Variants in ACSL3 observed in about 807,000 individuals in gnomAD.
ACSL3 encodes fatty acid CoA ligase Acsl3.
A neutral mutation model predicts 84.7 loss-of-function variants in ACSL3; 34 were observed. The ratio of observed to expected loss-of-function variants is 0.40; its 90% confidence interval spans 0.31 to 0.53. The LOEUF (loss-of-function observed/expected upper bound fraction) is 0.53. Ranked by LOEUF, ACSL3 falls within the 20% of genes least tolerant of loss-of-function variation. The pLI, the probability that ACSL3 is intolerant of heterozygous loss-of-function variation, is 0.48. For synonymous variants in ACSL3, 315 were observed against 299.4 expected (o/e 1.05, Z -0.54); for missense variants, 680 against 873.1 (o/e 0.78, Z 2.79).
At chr2:222,918,420 A>G (rs1371549003) in intron 6 of ACSL3, among the ~76,000 whole-genome samples, 1 of 151,946 alleles carries the variant, frequency 6.6e-6, no homozygotes, top group Non-Finnish European at 1.5e-5. Context: ...TATTGTGCTC[A>G]TCTATTTTCT....
Position 222,924,693 on chromosome 2 carries a change from A to G in ACSL3, c.1292+98A>G, listed in dbSNP as rs950789960. Reference sequence around the variant, plus strand: ...ATTAATTGAGATAGTTATAAGAAAGAAATATATTTCATAAAGTCAAGAGAA... The same window carrying G: ...ATTAATTGAGATAGTTATAAGAAAGGAATATATTTCATAAAGTCAAGAGAA... On this transcript the variant is annotated intron_variant, in intron 11 of 16. Coordinates refer to ENST00000357430, the MANE Select transcript of ACSL3 (RefSeq NM_004457.5). 6.2e-6 allele frequency: 8 copies of G among 1,292,794 alleles called. No homozygotes were observed. In the African/African-American group the frequency reaches 1.1e-4, roughly 18 times the overall value. 80.1% of individuals were successfully genotyped at this position (1,292,794 alleles called of 1,614,324 possible). A position where few individuals can be genotyped will look rare whatever the true frequency, so the allele number is the denominator to read the frequency against.
At chr2:222,903,851 A>G (rs1395089979) in intron 3 of ACSL3, among the ~76,000 whole-genome samples, 1 of 152,230 alleles carries the variant, frequency 6.6e-6, no homozygotes, top group Non-Finnish European at 1.5e-5. Context: ...TTCAGTGAGC[A>G]GGTCAATATG....
intron 13 of ACSL3, 103 bp from the exon 14 acceptor site, chr2:222,930,518 G>T (rs1444481717): frequency 1.9e-6 from 2 of 1,027,022 alleles, no homozygotes; most frequent in Non-Finnish European, 2.7e-6. Flanking sequence ...CCTTTGGGAA[G>T]TTCTAATTGG....
rs771240831 is a variant in ACSL3, at chr2:222,918,071, A to G, written c.582A>G (p.Gly194=). 6 of 1,612,002 alleles carry G rather than the reference A, an allele frequency of 3.7e-6. No homozygotes were observed. Among genetic ancestry groups the G allele is most frequent in the Non-Finnish European group, 5.1e-6 (6 of 1,178,784 alleles). ...TTGTTACATTATATGCCACTCTAGG[A>G]GGTCCAGCCATTGTTCATGCATTAA... ...FQLVTLYATL[G]GPAIVHALNE... is the part of the protein sequence containing the mutation. The change falls in exon 6 of 17, where the codon GGA becomes GGG. Residue 194 remains glycine, a synonymous_variant. Coordinates refer to ENST00000357430, the MANE Select transcript of ACSL3 (RefSeq NM_004457.5).
chr2:222,936,286 A>G (rs1171278232), intron 16 of ACSL3, among the ~76,000 whole-genome samples: 1 of 152,150 alleles, frequency 6.6e-6, no homozygotes, highest in Non-Finnish European at 1.5e-5. Flanking sequence ...TGAGATTGTT[A>G]GATCCTATGG....
rs137963032 is a variant in ACSL3, at chr2:222,868,839, G to C, written c.-207+7581G>C. The stretch of plus-strand genomic sequence containing the variant: ...ATACAAATTAGCTGGGTGTGGTAGC[G>C]GGTGCCTGTAATCCCAGCTACTTGG... On this transcript the variant is annotated intron_variant, in intron 1 of 16. Coordinates refer to ENST00000357430, the MANE Select transcript of ACSL3 (RefSeq NM_004457.5). Among the ~76,000 whole-genome samples the C allele has an allele frequency of 3.5e-3, 526 of 151,998 alleles. 11 individuals carry two copies. The East Asian group carries it at 0.075, about 22-fold the overall frequency.
At chr2:222,924,667 A>C in intron 11 of ACSL3, 72 bp downstream of exon 11, 1 of 1,336,612 alleles carries the variant, frequency 7.5e-7, no homozygotes, top group Non-Finnish European at 1.0e-6. Context: ...TTAATAGCCC[A>C]ATTAATTGAG....
chr2:222,941,462 C>A (rs767884313), intron 16 of ACSL3, 35 bp from the exon 17 acceptor site: 5 of 1,519,062 alleles, frequency 3.3e-6, no homozygotes, highest in Admixed American at 2.1e-5. Context: ...AACTTAAATA[C>A]CTTTTCTTCT....
Position 222,930,524 on chromosome 2 carries a change from A to G in ACSL3, c.1541-97A>G, listed in dbSNP as rs1697001194. ...GCCTTTTTTCCTTTGGGAAGTTCTAATTGGATTAAAATAAGATGACTGTTT... is the reference window on the plus strand; with the variant it reads ...GCCTTTTTTCCTTTGGGAAGTTCTAGTTGGATTAAAATAAGATGACTGTTT... On this transcript the variant is annotated intron_variant, in intron 13 of 16. Coordinates refer to ENST00000357430, the MANE Select transcript of ACSL3 (RefSeq NM_004457.5). 4.6e-6 allele frequency: 5 copies of G among 1,082,872 alleles called. No homozygotes were observed. In the South Asian group the frequency reaches 1.1e-4, roughly 23 times the overall value. 67.1% of individuals were successfully genotyped at this position (1,082,872 alleles called of 1,614,324 possible). A position where few individuals can be genotyped will look rare whatever the true frequency, so the allele number is the denominator to read the frequency against.
rs531008047 is a variant in ACSL3, at chr2:222,899,637, C to T, written c.-147-1037C>T. Among the ~76,000 whole-genome samples, 26 of 152,050 alleles carry T rather than the reference C, an allele frequency of 1.7e-4. No individual in the cohort carries two copies. The South Asian group carries it at 5.0e-3, about 29-fold the overall frequency. ...CAAGTTTATTAAGAACATAAAGTGG[C>T]GCAAGAATAGCTACTCCATAGACAG... On this transcript the variant is annotated intron_variant, in intron 2 of 16. Transcript: ENST00000357430.
chr2:222,938,572 A>AT (rs1470018673), intron 16 of ACSL3, among the ~76,000 whole-genome samples: 1 of 152,030 alleles, frequency 6.6e-6, no homozygotes, highest in Admixed American at 6.6e-5. Flanking sequence ...TGCTTTCAAG[A>AT]TTTTTTGTGA....
chr2:222,861,822 G>A (rs1438991502), intron 1 of ACSL3: 2 of 152,314 alleles, frequency 1.3e-5, no homozygotes, highest in South Asian at 2.1e-4. Context: ...CTGTCGTTTG[G>A]GGTTTGAGAG....
At chr2:222,892,064 T>G (rs1324202213) in intron 2 of ACSL3, among the ~76,000 whole-genome samples, 1 of 152,224 alleles carries the variant, frequency 6.6e-6, no homozygotes, top group Non-Finnish European at 1.5e-5. Context: ...CTGTAGTCAT[T>G]GCGATGTCAT....
chr2:222,925,849 G>A (rs1201497513), intron 11 of ACSL3, among the ~76,000 whole-genome samples: 1 of 152,110 alleles, frequency 6.6e-6, no homozygotes, highest in Non-Finnish European at 1.5e-5. Flanking sequence ...GCTTGTATTT[G>A]TGTAGTGTTA....
intron 1 of ACSL3, among the ~76,000 whole-genome samples, chr2:222,887,238 T>G (rs1396993904): frequency 6.6e-6 from 1 of 152,244 alleles, no homozygotes; most frequent in Non-Finnish European, 1.5e-5. Flanking sequence ...TTCCTTCATG[T>G]CTTGTCATGG....
At chr2:222,916,131 A>G (rs546156845) in intron 4 of ACSL3, among the ~76,000 whole-genome samples, 188 bp from the exon 5 acceptor site, 69 of 152,318 alleles carry the variant, frequency 4.5e-4, no homozygotes, top group Non-Finnish European at 7.8e-4. Flanking sequence ...TTGTTATAGA[A>G]GATGTCACAA....
chr2:222,893,167 C>T (rs1398173127), intron 2 of ACSL3, among the ~76,000 whole-genome samples: 1 of 152,168 alleles, frequency 6.6e-6, no homozygotes, highest in African/African-American at 2.4e-5. Flanking sequence ...TATCAAGATG[C>T]ACCGTCTGCA....
In ACSL3 at chr2:222,941,501, T is replaced by G; in HGVS notation, c.2010T>G (p.Ser670Arg). Residue 670 changes from serine to arginine, a missense_variant, in exon 17 of 17, where the codon AGT (serine) becomes AGG (arginine). By Grantham distance (110) the Ser-to-Arg change is moderately radical. Around this residue, in one of 2 missense-constraint regions of ACSL3, gnomAD observed 347 missense variants for 525.7 expected, o/e 0.66. Transcript: ENST00000357430. Reference sequence around the variant, plus strand: ...CTTTTTTTTTAATCATCTTAGCAAGTCTGGAAAAGTTTGAAATTCCAGTAA... The same window carrying G: ...CTTTTTTTTTAATCATCTTAGCAAGGCTGGAAAAGTTTGAAATTCCAGTAA... The part of the protein sequence containing the change: ...KVLSEAAISA[S>R]LEKFEIPVKI... 1 of 1,602,878 alleles carries G rather than the reference T, an allele frequency of 6.2e-7. No homozygotes were observed.
chr2:222,933,756 C>A (rs1170855427), intron 15 of ACSL3: 1 of 152,314 alleles, frequency 6.6e-6, no homozygotes, highest in Non-Finnish European at 1.5e-5. Flanking sequence ...AGCCTCCCCA[C>A]CTCATGATGA....
Sources: gnomAD v4.1 joint callset for allele counts (sites outside exome capture counted in the v4.1 genomes callset) on GRCh38, gnomAD v4.1.1 for gene constraint, gnomAD v4.1.1 regional missense constraint, MANE v1.5 for transcripts, NCBI Gene and HGNC (gene_info 2026-07-23, HGNC 2026-07-21) for gene names.